The following COL24A1 variants were observed in gnomAD, a reference collection of about 807,000 sequenced individuals.
COL24A1 encodes collagen alpha-1(XXIV) chain.
In COL24A1, 224 loss-of-function variants were observed where a neutral mutation model predicts 253.9. That is an observed-to-expected ratio of 0.88 (90% CI 0.79 to 0.99). The LOEUF is 0.99. Ranked by LOEUF, COL24A1 falls within the 50% of genes least tolerant of loss-of-function variation. The pLI, the probability that COL24A1 is intolerant of heterozygous loss-of-function variation, is 0.00. For synonymous variants in COL24A1, 685 were observed against 673.7 expected, an observed-to-expected ratio of 1.02 and a Z score of -0.26; for missense variants, 2,131 against 2,068.5, an observed-to-expected ratio of 1.03 and a Z score of -0.59.
At chr1:86,142,859 T>G (rs1651357926) in intron 2 of COL24A1, among the ~76,000 whole-genome samples, 1 of 152,156 alleles carries the variant, frequency 6.6e-6, no homozygotes, top group Non-Finnish European at 1.5e-5. Flanking sequence ...CAAGACAGAT[T>G]ATTGTAACCT....
chr1:86,028,872 A>G (rs1339298685), intron 14 of COL24A1, among the ~76,000 whole-genome samples: 1 of 152,246 alleles, frequency 6.6e-6, no homozygotes, highest in Non-Finnish European at 1.5e-5. Flanking sequence ...AAGATGCTGC[A>G]TAGCATCTGA....
intron 7 of COL24A1, among the ~76,000 whole-genome samples, chr1:86,065,648 C>G (rs981968879): frequency 6.6e-6 from 1 of 151,296 alleles, no homozygotes; most frequent in African/African-American, 2.4e-5. Context: ...TAAAAACAAG[C>G]TGGGCCAGGC....
rs12136023 is a variant in COL24A1, at chr1:85,874,579, C to T, written c.3138+70G>A. ...TTATTATCCAATTTTTTGAGTGTTT[C>T]GAATAATAAGTTTTGAGCCTCTGAA... On this transcript the variant is annotated intron_variant, in intron 35 of 59. Transcript: ENST00000370571. The T allele has an allele frequency of 1.1e-4, 154 of 1,378,650 alleles. No homozygotes were observed. In the African/African-American group the frequency reaches 1.8e-3, roughly 16 times the overall value. The allele number at this position is 1,378,650 out of a possible 1,614,324, so 85.4% of individuals were successfully genotyped here. A position where few individuals can be genotyped will look rare whatever the true frequency, so the allele number is the denominator to read the frequency against.
At chr1:85,787,924 C>T (rs951818916) in intron 47 of COL24A1, among the ~76,000 whole-genome samples, 1 of 152,096 alleles carries the variant, frequency 6.6e-6, no homozygotes, top group African/African-American at 2.4e-5. Context: ...AATTGCCATT[C>T]TGACCGGTGT....
At chr1:85,837,359 G>C (rs1676115038) in intron 43 of COL24A1, among the ~76,000 whole-genome samples, 1 of 152,166 alleles carries the variant, frequency 6.6e-6, no homozygotes, top group South Asian at 2.1e-4. Context: ...TAATTTTTCA[G>C]ATTCCTCTGG....
chr1:86,004,548 A>G (rs143033205), intron 19 of COL24A1, among the ~76,000 whole-genome samples: 138 of 151,744 alleles, frequency 9.1e-4, no homozygotes, highest in African/African-American at 3.2e-3. Context: ...ACTACCCTTT[A>G]GAACACAGTG....
chr1:85,839,175 G>A (rs1676344551), intron 42 of COL24A1, among the ~76,000 whole-genome samples: 1 of 152,056 alleles, frequency 6.6e-6, no homozygotes, highest in Non-Finnish European at 1.5e-5. Context: ...CTCCAGCCTG[G>A]GCAACAGAGT....
chr1:85,737,888 C>T (rs1190737810), intron 57 of COL24A1, among the ~76,000 whole-genome samples: 2 of 152,082 alleles, frequency 1.3e-5, no homozygotes, highest in Non-Finnish European at 2.9e-5. Context: ...GGTCATGGTA[C>T]TTTAAATACA....
At chr1:86,014,663 C>A (rs1571603569) in intron 19 of COL24A1, among the ~76,000 whole-genome samples, 1 of 152,266 alleles carries the variant, frequency 6.6e-6, no homozygotes, top group South Asian at 2.1e-4. Flanking sequence ...TTCTACCCAA[C>A]TTTTCAAGCA....
intron 12 of COL24A1, among the ~76,000 whole-genome samples, chr1:86,044,859 TTGG>T (rs1444681381): frequency 1.3e-5 from 2 of 152,234 alleles, no homozygotes; most frequent in Non-Finnish European, 2.9e-5. Flanking sequence ...AATGAAATAA[TTGG>T]TGGTTATCTA....
chr1:86,109,265 C>T lies in COL24A1; in HGVS notation c.1599+3302G>A, dbSNP rs72943832. Among the ~76,000 whole-genome samples, 425 of 152,206 alleles carry T rather than the reference C, an allele frequency of 2.8e-3. 3 individuals carry two copies. Among genetic ancestry groups the T allele is most frequent in the African/African-American group, 9.7e-3 (401 of 41,530 alleles). ...TTATCCAGACTTGATTTTAAAGAGTCGTTTTTCCTCTCTGAGGCACTTCCA... is the reference window on the plus strand; with the variant it reads ...TTATCCAGACTTGATTTTAAAGAGTTGTTTTTCCTCTCTGAGGCACTTCCA... On this transcript the variant is annotated intron_variant, in intron 5 of 59. Coordinates refer to ENST00000370571, the MANE Select transcript of COL24A1 (RefSeq NM_152890.7).
intron 47 of COL24A1, among the ~76,000 whole-genome samples, chr1:85,787,908 T>C (rs1339638507): frequency 1.3e-5 from 2 of 152,182 alleles, no homozygotes; most frequent in Non-Finnish European, 2.9e-5. Flanking sequence ...TTCTTGACTT[T>C]TTAATAATTG....
At chr1:85,914,421 C>T (rs1439408252) in intron 24 of COL24A1, among the ~76,000 whole-genome samples, 1 of 147,966 alleles carries the variant, frequency 6.8e-6, no homozygotes, top group Non-Finnish European at 1.5e-5. Context: ...GATGGAGTCT[C>T]ACTCTGTCAC....
At chr1:86,082,528 C>A (rs919510595) in intron 7 of COL24A1, among the ~76,000 whole-genome samples, 8 of 151,482 alleles carry the variant, frequency 5.3e-5, no homozygotes, top group African/African-American at 1.9e-4. Flanking sequence ...TTTATGTGAA[C>A]CTCCACTATG....
chr1:85,795,625 C>G (rs1277477995), intron 47 of COL24A1, among the ~76,000 whole-genome samples: 1 of 151,996 alleles, frequency 6.6e-6, no homozygotes, highest in Non-Finnish European at 1.5e-5. Flanking sequence ...AAAGTACTAC[C>G]TTAACATTTT....
intron 39 of COL24A1, among the ~76,000 whole-genome samples, chr1:85,843,000 T>C (rs924792232): frequency 3.9e-5 from 6 of 151,954 alleles, no homozygotes; most frequent in Non-Finnish European, 5.9e-5. Context: ...GCTCAGACAA[T>C]TGAAAAAGTA....
intron 7 of COL24A1, among the ~76,000 whole-genome samples, chr1:86,075,174 A>T (rs765677855): frequency 6.6e-6 from 1 of 152,204 alleles, no homozygotes; most frequent in Non-Finnish European, 1.5e-5. Context: ...AAGAGAGAAG[A>T]ATCAAATAGA....
intron 20 of COL24A1, among the ~76,000 whole-genome samples, chr1:85,977,776 G>A (rs1199429890): frequency 6.6e-6 from 1 of 152,192 alleles, no homozygotes. Flanking sequence ...TGAGGCAGAA[G>A]AGAAATCTAA....
intron 53 of COL24A1, among the ~76,000 whole-genome samples, chr1:85,764,756 C>A (rs944810899): frequency 6.6e-6 from 1 of 151,988 alleles, no homozygotes; most frequent in South Asian, 2.1e-4. Context: ...TATCAATTTT[C>A]TTCCTGATGT....
Sources: gnomAD v4.1 joint callset for allele counts (sites outside exome capture counted in the v4.1 genomes callset) on GRCh38, gnomAD v4.1.1 for gene constraint, MANE v1.5 for transcripts, NCBI Gene and HGNC (gene_info 2026-07-23, HGNC 2026-07-21) for gene names.